Variants in SPAG17 observed in about 807,000 individuals in gnomAD.
The protein encoded by SPAG17 is sperm associated antigen 17, also known as sperm-associated antigen 17.
A neutral mutation model predicts 273.6 loss-of-function variants in SPAG17; 169 were observed. That is an observed-to-expected ratio of 0.62 (90% CI 0.55 to 0.70). The LOEUF (loss-of-function observed/expected upper bound fraction) is 0.70. Among genes scored for constraint, SPAG17 ranks in the 30% least tolerant of loss-of-function variants. The probability of loss-of-function intolerance (pLI) is 0.00; values close to 1 mark genes in which losing one functional copy is unlikely to be tolerated. For synonymous variants in SPAG17, 825 were observed against 873.2 expected, an observed-to-expected ratio of 0.94 and a Z score of 0.97; for missense variants, 2,557 against 2,627.8, an observed-to-expected ratio of 0.97 and a Z score of 0.59.
At chr1:117,984,916 T>A (rs891815419) in intron 40 of SPAG17, 134 bp from the exon 41 acceptor site, 2 of 613,416 alleles carry the variant, frequency 3.3e-6, no homozygotes, top group African/African-American at 3.9e-5. Context: ...ATTAATTTAT[T>A]AGATATTTTT....
intron 3 of SPAG17, among the ~76,000 whole-genome samples, chr1:118,121,044 G>A (rs1292792689): frequency 6.6e-6 from 1 of 152,116 alleles, no homozygotes; most frequent in Non-Finnish European, 1.5e-5. Context: ...GGTAAACATA[G>A]TTTTGGCATT....
At chr1:118,029,437 C>T (rs960195727) in intron 25 of SPAG17, among the ~76,000 whole-genome samples, 4 of 152,054 alleles carry the variant, frequency 2.6e-5, no homozygotes, top group Admixed American at 6.6e-5. Flanking sequence ...ACATCTCCAA[C>T]ATATTTTTTG....
At chr1:118,039,661 G>A (rs1571314416) in intron 22 of SPAG17, among the ~76,000 whole-genome samples, 1 of 152,096 alleles carries the variant, frequency 6.6e-6, no homozygotes. Context: ...GGAGGAGGGT[G>A]AGGACCAAAA....
intron 20 of SPAG17, among the ~76,000 whole-genome samples, chr1:118,045,341 T>C (rs1171922985): frequency 3.3e-5 from 5 of 152,114 alleles, no homozygotes. Context: ...GAGCCAGAGA[T>C]TGAGTTAATA....
At chr1:117,994,002 A>T (rs1398073357) in intron 35 of SPAG17, among the ~76,000 whole-genome samples, 1 of 152,178 alleles carries the variant, frequency 6.6e-6, no homozygotes, top group Admixed American at 6.6e-5. Context: ...ATATATGAAG[A>T]AAAAAAGGGA....
chr1:118,102,532 A>G (rs769476925), intron 4 of SPAG17, among the ~76,000 whole-genome samples: 1 of 152,216 alleles, frequency 6.6e-6, no homozygotes, highest in African/African-American at 2.4e-5. Flanking sequence ...TGCAGACATA[A>G]CCAATGGTTG....
At chr1:118,074,408 G>T in intron 16 of SPAG17, 131 bp downstream of exon 16, 5 of 795,654 alleles carry the variant, frequency 6.3e-6, no homozygotes, top group Non-Finnish European at 1.0e-5. Flanking sequence ...TGTCCGAATA[G>T]TTCCTCTTTT....
At chr1:117,981,477 A>G (rs1655807459) in intron 42 of SPAG17, 76 bp from the exon 43 acceptor site, 1 of 1,452,220 alleles carries the variant, frequency 6.9e-7, no homozygotes. Context: ...TTGCATGAAC[A>G]AACATTGAAG....
At chr1:118,100,672 G>C (rs1345115741) in intron 5 of SPAG17, among the ~76,000 whole-genome samples, 1 of 152,208 alleles carries the variant, frequency 6.6e-6, no homozygotes, top group East Asian at 1.9e-4. Flanking sequence ...ATTTAGAGCA[G>C]AGATGCATGA....
At chr1:118,118,559 G>A (rs1657233750) in intron 3 of SPAG17, among the ~76,000 whole-genome samples, 1 of 152,282 alleles carries the variant, frequency 6.6e-6, no homozygotes, top group Non-Finnish European at 1.5e-5. Context: ...GAGTCTTAAC[G>A]GGCAAATGAG....
chr1:118,041,681 C>T, intron 21 of SPAG17, 122 bp downstream of exon 21: 1 of 1,313,134 alleles, frequency 7.6e-7, no homozygotes, highest in Non-Finnish European at 1.1e-6. Flanking sequence ...CTCATTAATA[C>T]CAGAAGAAAC....
At chr1:117,986,562 A>C (rs1656433230) in intron 40 of SPAG17, among the ~76,000 whole-genome samples, 1 of 152,210 alleles carries the variant, frequency 6.6e-6, no homozygotes, top group South Asian at 2.1e-4. Flanking sequence ...AATGTTTCAA[A>C]ATTTAAAAAG....
intron 17 of SPAG17, among the ~76,000 whole-genome samples, chr1:118,070,943 C>T (rs546807466): frequency 6.6e-6 from 1 of 152,266 alleles, no homozygotes; most frequent in African/African-American, 2.4e-5. Context: ...ATGTCAGAAG[C>T]TTAATACCCT....
intron 18 of SPAG17, among the ~76,000 whole-genome samples, chr1:118,063,659 C>A (rs1652606087): frequency 6.6e-6 from 1 of 152,120 alleles, no homozygotes; most frequent in Admixed American, 6.5e-5. Context: ...CAATACCATT[C>A]AGGACATAGG....
At chr1:118,160,123 C>T (rs986107786) in intron 1 of SPAG17, among the ~76,000 whole-genome samples, 1 of 152,144 alleles carries the variant, frequency 6.6e-6, no homozygotes, top group African/African-American at 2.4e-5. Flanking sequence ...AAATGTAAAA[C>T]TGGAATCAGA....
intron 4 of SPAG17, among the ~76,000 whole-genome samples, chr1:118,104,481 A>G (rs1313739645): frequency 6.6e-6 from 1 of 152,246 alleles, no homozygotes; most frequent in East Asian, 1.9e-4. Context: ...GGCTAGAGTT[A>G]CAAATGCAGG....
chr1:118,012,413 G>T (rs1383484118), intron 29 of SPAG17, 41 bp from the exon 30 acceptor site: 1 of 1,599,564 alleles, frequency 6.3e-7, no homozygotes, highest in Non-Finnish European at 8.5e-7. Flanking sequence ...TGGCCACATG[G>T]TTCATCCCAA....
At chr1:118,034,314 G>A (rs942826909) in intron 24 of SPAG17, among the ~76,000 whole-genome samples, 5 of 152,202 alleles carry the variant, frequency 3.3e-5, no homozygotes, top group Non-Finnish European at 7.4e-5. Context: ...GAACCCAGAA[G>A]AAGGGTATCT....
chr1:118,126,268 C>T (rs1238999837), intron 3 of SPAG17, among the ~76,000 whole-genome samples: 5 of 143,742 alleles, frequency 3.5e-5, no homozygotes, highest in Admixed American at 7.1e-5. Flanking sequence ...TGCAGTGGCG[C>T]GATCTCGGCT....
Sources: gnomAD v4.1 joint callset for allele counts (sites outside exome capture counted in the v4.1 genomes callset) on GRCh38, gnomAD v4.1.1 for gene constraint, MANE v1.5 for transcripts, NCBI Gene and HGNC (gene_info 2026-07-23, HGNC 2026-07-21) for gene names.